The following SLC43A2 variants were observed in gnomAD, a reference collection of about 807,000 sequenced individuals.
The protein encoded by SLC43A2 is large neutral amino acids transporter small subunit 4.
A neutral mutation model predicts 63.2 loss-of-function variants in SLC43A2; 38 were observed. That is an observed-to-expected ratio of 0.60 (90% confidence interval 0.46 to 0.79). The LOEUF (loss-of-function observed/expected upper bound fraction) is 0.79. SLC43A2 is among the 30% of genes least tolerant of loss of function. SLC43A2 has a pLI of 0.00. For synonymous variants in SLC43A2, 322 were observed against 331.0 expected (o/e 0.97, Z 0.30); for missense variants, 644 against 756.2 (o/e 0.85, Z 1.74).
chr17:1,620,467 G>T (rs902323645), intron 2 of SLC43A2, among the ~76,000 whole-genome samples: 1 of 152,138 alleles, frequency 6.6e-6, no homozygotes, highest in Non-Finnish European at 1.5e-5. Context: ...AGAGGCAAGG[G>T]TATCTGTCCT....
intron 5 of SLC43A2, among the ~76,000 whole-genome samples, chr17:1,595,510 A>G (rs1387534325): frequency 6.6e-6 from 1 of 151,924 alleles, no homozygotes; most frequent in Admixed American, 6.6e-5. Flanking sequence ...CTGACATGCA[A>G]TCTTGGCTCT....
chr17:1,594,744 C>A (rs573182482), intron 5 of SLC43A2, among the ~76,000 whole-genome samples: 2 of 151,534 alleles, frequency 1.3e-5, no homozygotes, highest in Admixed American at 6.6e-5. Context: ...CCCGCCACCA[C>A]ACCCGGCTAA....
upstream of SLC43A2, among the ~76,000 whole-genome samples, chr17:1,629,509 C>A (rs1438531636): frequency 3.3e-5 from 5 of 152,216 alleles, no homozygotes; most frequent in Admixed American, 1.3e-4. Flanking sequence ...TCTGCCCGGT[C>A]CCTGGAAGTT....
At chr17:1,581,965 C>A (rs773909879) in intron 11 of SLC43A2, among the ~76,000 whole-genome samples, 2 of 151,908 alleles carry the variant, frequency 1.3e-5, no homozygotes, top group African/African-American at 4.8e-5. Context: ...TGCCACCACG[C>A]CCAGCTAATT....
chr17:1,591,846 C>T (rs966220615), intron 6 of SLC43A2, 147 bp from the exon 7 acceptor site: 12 of 659,840 alleles, frequency 1.8e-5, no homozygotes, highest in African/African-American at 1.6e-4. Flanking sequence ...CCAGCCTGGG[C>T]GTTGGGGCAT....
intron 5 of SLC43A2, among the ~76,000 whole-genome samples, chr17:1,610,679 A>G (rs937397391): frequency 6.6e-6 from 1 of 150,376 alleles, no homozygotes; most frequent in African/African-American, 2.4e-5. Flanking sequence ...GGAGTTTGAG[A>G]CCAGCCTGGT....
At chr17:1,624,164 C>T (rs1346525974) in intron 2 of SLC43A2, among the ~76,000 whole-genome samples, 4 of 152,238 alleles carry the variant, frequency 2.6e-5, no homozygotes, top group East Asian at 1.9e-4. Context: ...AGGCCTGGAG[C>T]GGTGGCTCAC....
Position 1,585,980 on chromosome 17 carries a change from T to G in SLC43A2, c.1150A>C (p.Ile384Leu), listed in dbSNP as rs549319971. 1.2e-6 allele frequency: 2 copies of G among 1,613,218 alleles called. No individual in the cohort carries two copies. Among genetic ancestry groups the G allele is most frequent in the Non-Finnish European group, 1.7e-6 (2 of 1,179,870 alleles). ...CACTCCTTCAGCCTCCAGTCCATGA[T>G]GTAGCCAATGACGGGGGCCGTCAGC... ...CLLTAPVIGY[I>L]MDWRLKECED... is the part of the protein sequence containing the mutation. The change falls in exon 10 of 14, where the codon ATC becomes CTC. Residue 384 changes from isoleucine to leucine, a missense_variant. Around this residue, in one of 3 missense-constraint regions of SLC43A2, gnomAD observed 528 missense variants for 623.6 expected, o/e 0.85. Coordinates refer to ENST00000301335, the MANE Select transcript of SLC43A2 (RefSeq NM_152346.3).
intron 1 of SLC43A2, among the ~76,000 whole-genome samples, chr17:1,628,565 C>G (rs2151087598): frequency 1.3e-5 from 2 of 152,308 alleles, no homozygotes; most frequent in South Asian, 4.1e-4. Flanking sequence ...GCGAGCCAGC[C>G]GCGCGACCCC....
rs1336123705 is a variant in SLC43A2, at chr17:1,627,826, A to C, written c.49T>G (p.Cys17Gly). 1.3e-6 allele frequency: 2 copies of C among 1,591,990 alleles called. No individual in the cohort carries two copies. The highest frequency in any genetic ancestry group is 1.7e-6 in the Non-Finnish European group (2 of 1,169,724). ...TAHRRRWWMA[C>G]TAVLENLLFS... ...AGGAGGTTCTCCAGCACGGCCGTGC[A>C]GGCCATCCACCAGCGGCGCCGATGG... Residue 17 changes from cysteine (C) to glycine (G), a missense_variant, in exon 2 of 14, where the codon TGC becomes GGC. Physicochemically the swap from Cys to Gly is radical, Grantham distance 159 (BLOSUM62 -3). Transcript: ENST00000301335.
chr17:1,603,281 G>T (rs1906249716), intron 5 of SLC43A2: 1 of 152,172 alleles, frequency 6.6e-6, no homozygotes, highest in African/African-American at 2.4e-5. Context: ...AATAATTAGT[G>T]TCCACAGAGA....
chr17:1,592,565 G>A (rs1283670459), intron 6 of SLC43A2, among the ~76,000 whole-genome samples: 3 of 152,152 alleles, frequency 2.0e-5, no homozygotes, highest in African/African-American at 7.2e-5. Context: ...AGCCCACACC[G>A]TGTCCCCCTC....
rs778022762 is a variant in SLC43A2 at position 1,612,971 on chromosome 17, C to CA, written c.501+223dup. Among the ~76,000 whole-genome samples the CA allele has an allele frequency of 9.3e-5, 13 of 139,232 alleles. No homozygotes were observed. In the South Asian group the frequency reaches 1.4e-3, roughly 15 times the overall value. The allele number at this position is 139,232 out of a possible 152,430, so 91.3% of individuals were successfully genotyped here. ...TGGGCGACAGAGCAAGACTCCGTCTCAAAAAAAAAAAAAAAGGCAAGGGAT... is the reference window on the plus strand; with the variant it reads ...TGGGCGACAGAGCAAGACTCCGTCTCAAAAAAAAAAAAAAAAGGCAAGGGAT... On this transcript the variant is annotated intron_variant, in intron 5 of 13. Transcript: ENST00000301335.
chr17:1,617,147 C>A (rs1442346295), intron 2 of SLC43A2, among the ~76,000 whole-genome samples: 1 of 152,192 alleles, frequency 6.6e-6, no homozygotes, highest in Non-Finnish European at 1.5e-5. Context: ...GACCTCAGGG[C>A]CCAGCCTTGG....
At position 1,615,598 on chromosome 17, in the gene SLC43A2, C is replaced by T. The variant is rs549469804; in HGVS notation, c.369-564G>A. ...ATGGCTCACGCCTGTAATCCCAGCA[C>T]TTTGGGAGGCCGAGGCGGGCAGATC... On this transcript the variant is annotated intron_variant, in intron 3 of 13. Transcript: ENST00000301335. Among the ~76,000 whole-genome samples, 18 of 149,594 alleles carry T rather than the reference C, an allele frequency of 1.2e-4. No homozygotes were observed. The South Asian group carries it at 3.8e-3, about 32-fold the overall frequency.
At chr17:1,595,134 A>T (rs1194276230) in intron 5 of SLC43A2, among the ~76,000 whole-genome samples, 3 of 151,958 alleles carry the variant, frequency 2.0e-5, no homozygotes, top group Non-Finnish European at 4.4e-5. Flanking sequence ...TACAAAAATT[A>T]GCCGGATGTG....
rs1183394043 is a variant in SLC43A2 at position 1,605,135 on chromosome 17, C to CG, written c.501+8059dup. ...CCTCAGGTGCTTCCCACAGCCCCCT[C>CG]GCCGCCTCTGCCTCCGTGCGGGTCA... On this transcript the variant is annotated intron_variant, in intron 5 of 13. Transcript: ENST00000301335. The surrounding 1 kb of genome is among the most constrained non-coding windows in gnomAD (Gnocchi z 4.9). The CG allele has an allele frequency of 2.3e-6, 3 of 1,282,240 alleles. No homozygotes were observed. The highest frequency in any genetic ancestry group is 3.0e-6 in the Non-Finnish European group (3 of 1,006,602). 79.4% of individuals were successfully genotyped at this position (1,282,240 alleles called of 1,614,324 possible).
intron 10 of SLC43A2, chr17:1,585,255 C>T: frequency 2.0e-6 from 2 of 993,448 alleles, no homozygotes; most frequent in South Asian, 4.4e-5. Flanking sequence ...ATTGTTTTTT[C>T]TTTTTGAGAC....
intron 5 of SLC43A2, among the ~76,000 whole-genome samples, chr17:1,610,807 C>T (rs183848638): frequency 1.3e-5 from 2 of 150,346 alleles, no homozygotes; most frequent in African/African-American, 4.9e-5. Context: ...CTATTAGCTC[C>T]AACCGCAGGG....
Sources: allele counts gnomAD v4.1 joint callset (sites outside exome capture counted in the v4.1 genomes callset), GRCh38; gene constraint gnomAD v4.1.1; regional missense constraint gnomAD v4.1.1; non-coding constraint Gnocchi (gnomAD v3.1); transcripts MANE v1.5; gene names NCBI Gene and HGNC (gene_info 2026-07-23, HGNC 2026-07-21).